Variants in PROM2 observed in about 807,000 individuals in gnomAD.
PROM2 encodes prominin 2.
PROM2 carries 90 observed loss-of-function variants against 110.2 expected under a neutral mutation model. That is an observed-to-expected ratio of 0.82 (90% CI 0.69 to 0.97). PROM2 has a LOEUF of 0.97. Ranked by LOEUF, PROM2 falls within the 50% of genes least tolerant of loss-of-function variation. The pLI is 0.00. For synonymous variants in PROM2, 470 were observed against 467.8 expected (o/e 1.00, Z -0.06); for missense variants, 1,009 against 1,074.8 (o/e 0.94, Z 0.86).
At chr2:95,287,246 C>T (rs1677417184) in intron 19 of PROM2, 33 bp downstream of exon 19, 1 of 1,604,540 alleles carries the variant, frequency 6.2e-7, no homozygotes, top group Non-Finnish European at 8.5e-7. Context: ...AAGGGGCTTC[C>T]ACCCCAGGCT....
In PROM2 at chr2:95,285,079, G is replaced by T. The variant is rs1487880929; in HGVS notation, c.1839G>T (p.Gly613=). Residue 613 remains glycine, a synonymous_variant, in exon 15 of 24, where the codon GGG becomes GGT. Transcript: ENST00000317620. ...RRDLEALQSS[G]LQRIHYPDFL... ...ACCTGGAGGCCCTGCAGAGCAGTGG[G>T]CTTCAGCGCATCCACTACCCCGACT... 1 of 1,589,098 alleles carries T rather than the reference G, an allele frequency of 6.3e-7. No individual in the cohort carries two copies. Among genetic ancestry groups the T allele is most frequent in the Admixed American group, 1.8e-5 (1 of 56,950 alleles).
chr2:95,282,684 C>G (rs1484309992), intron 14 of PROM2, among the ~76,000 whole-genome samples: 1 of 152,126 alleles, frequency 6.6e-6, no homozygotes, highest in East Asian at 1.9e-4. Flanking sequence ...GCCTGACAAG[C>G]CTCTTCCTGT....
At position 95,275,896 on chromosome 2, in the gene PROM2, T is replaced by C; in HGVS notation, c.295-34T>C. Reference sequence around the variant, plus strand: ...AGAAGCCAGGGCTGGGCAGTGGGGGTCGGGTCACCCCTCATGCCCTGCTGC... The same window carrying C: ...AGAAGCCAGGGCTGGGCAGTGGGGGCCGGGTCACCCCTCATGCCCTGCTGC... On this transcript the variant is annotated intron_variant, in intron 2 of 23. Transcript: ENST00000317620. This position sits in a 1 kb window ranked among gnomAD's most constrained non-coding sequence, Gnocchi z 4.4. The C allele has an allele frequency of 1.3e-6, 2 of 1,584,224 alleles. No individual in the cohort carries two copies. The highest frequency in any genetic ancestry group is 8.6e-7 in the Non-Finnish European group (1 of 1,167,576).
At chr2:95,282,079 A>T in intron 13 of PROM2, 63 bp downstream of exon 13, 1 of 1,593,052 alleles carries the variant, frequency 6.3e-7, no homozygotes, top group Non-Finnish European at 8.6e-7. Context: ...GGTGTCCCTC[A>T]GGGGACATCA....
rs745576900 is a variant in PROM2 at position 95,281,968 on chromosome 2, C to T, written c.1595C>T (p.Ser532Leu). The stretch of plus-strand genomic sequence containing the variant: ...AACCTGCCCCCGTCCATGAACCTGT[C>T]GCAACTTCTTGGCCTGAGGAAGAAC... ...PGNLPPSMNL[S>L]QLLGLRKNIS... Residue 532 changes from serine (S) to leucine (L), a missense_variant, in exon 13 of 24, where the codon TCG becomes TTG. Physicochemically the swap from Ser to Leu is moderately radical, Grantham distance 145 (BLOSUM62 -2). Transcript: ENST00000317620. 13 of 1,613,984 alleles carry T rather than the reference C, an allele frequency of 8.1e-6. No homozygotes were observed. The highest frequency in any genetic ancestry group is 2.7e-5 in the African/African-American group (2 of 74,884).
rs1421712742 is a variant in PROM2, at chr2:95,279,161, G to T, written c.1274+17G>T. The T allele has an allele frequency of 7.3e-7, 1 of 1,364,520 alleles. No individual in the cohort carries two copies. The highest frequency in any genetic ancestry group is 9.7e-7 in the Non-Finnish European group (1 of 1,031,108). 84.5% of individuals were successfully genotyped at this position (1,364,520 alleles called of 1,614,324 possible). A position where few individuals can be genotyped will look rare whatever the true frequency, so the allele number is the denominator to read the frequency against. Reference sequence around the variant, plus strand: ...GACCTACAGGTGCTGGGCACCGCAGGGTGGGATGGGGTGGGGTGGGGTGGG... The same window carrying T: ...GACCTACAGGTGCTGGGCACCGCAGTGTGGGATGGGGTGGGGTGGGGTGGG... On this transcript the variant is annotated intron_variant, in intron 10 of 23. Coordinates refer to ENST00000317620, the MANE Select transcript of PROM2 (RefSeq NM_001165978.3).
intron 11 of PROM2, among the ~76,000 whole-genome samples, chr2:95,280,694 G>A (rs936634657): frequency 4.6e-5 from 7 of 152,136 alleles, no homozygotes; most frequent in African/African-American, 1.7e-4. Flanking sequence ...ACCCAGGATG[G>A]AGTGCAGTGA....
rs147971761 is a variant in PROM2 at position 95,276,060 on chromosome 2, C to A, written c.425C>A (p.Thr142Lys). Reference protein sequence around the residue: ...CHRRCGGRVKTEHKALACERA... With the variant: ...CHRRCGGRVKKEHKALACERA... ...CGGCGCTGCGGGGGACGAGTGAAGACAGAGCACAAGGCGCTGGCCTGTGAG... is the reference window on the plus strand; with the variant it reads ...CGGCGCTGCGGGGGACGAGTGAAGAAAGAGCACAAGGCGCTGGCCTGTGAG... Residue 142 changes from threonine to lysine, a missense_variant, in exon 3 of 24, where the codon ACA (threonine) becomes AAA (lysine). By Grantham distance (78) the Thr-to-Lys change is moderately conservative (BLOSUM62 -1). Transcript: ENST00000317620. This position sits in a 1 kb window ranked among gnomAD's most constrained non-coding sequence, Gnocchi z 4.6. 1 of 1,611,432 alleles carries A rather than the reference C, an allele frequency of 6.2e-7. No homozygotes were observed. Among genetic ancestry groups the A allele is most frequent in the Non-Finnish European group, 8.5e-7 (1 of 1,179,914 alleles).
At chr2:95,288,185 TC>T in intron 20 of PROM2, 25 bp from the exon 21 acceptor site, 1 of 1,609,822 alleles carries the variant, frequency 6.2e-7, no homozygotes, top group South Asian at 1.1e-5. Context: ...TGTCTCTGCA[TC>T]ACCTGCCTCA....
chr2:95,285,103 C>G lies in PROM2; in HGVS notation c.1863C>G (p.Asp621Glu). Residue 621 changes from aspartate to glutamate, a missense_variant, in exon 15 of 24, where the codon GAC (aspartate) becomes GAG (glutamate). Coordinates refer to ENST00000317620, the MANE Select transcript of PROM2 (RefSeq NM_001165978.3). ...SSGLQRIHYP[D>E]FLVQIQRPVV... ...GGCTTCAGCGCATCCACTACCCCGA[C>G]TTCCTCGTTCAGGTCAGCGGTGGGC... 1.9e-6 allele frequency: 3 copies of G among 1,577,892 alleles called. No individual in the cohort carries two copies. Among genetic ancestry groups the G allele is most frequent in the Non-Finnish European group, 2.6e-6 (3 of 1,160,786 alleles).
At chr2:95,287,309 A>C (rs1677419898) in intron 19 of PROM2, 87 bp from the exon 20 acceptor site, 39 of 1,551,194 alleles carry the variant, frequency 2.5e-5, no homozygotes, top group Non-Finnish European at 3.4e-5. Flanking sequence ...GCCTGTCCTC[A>C]AGTTGCCAGG....
At chr2:95,282,330 A>C (rs1208231083) in intron 14 of PROM2, 104 bp downstream of exon 14, 30 of 981,940 alleles carry the variant, frequency 3.1e-5, no homozygotes, top group Non-Finnish European at 4.1e-5. Context: ...AGGAGACCTG[A>C]GAAGTCTGTG....
At chr2:95,283,639 G>T (rs1375110956) in intron 14 of PROM2, among the ~76,000 whole-genome samples, 1 of 152,216 alleles carries the variant, frequency 6.6e-6, no homozygotes, top group Admixed American at 6.5e-5. Flanking sequence ...AACCACCTGT[G>T]TAACCTCGGC....
chr2:95,289,598 A>C lies in PROM2; in HGVS notation c.*385A>C. ...CTTCCCGTGTGTCTTCCCCCTGCCA[A>C]GCCTCCCCCTGCCAAGCCTCCCCCT... is the stretch of plus-strand genomic sequence containing the variant. On this transcript the variant is annotated 3_prime_UTR_variant, in exon 24 of 24. Transcript: ENST00000317620. 8.2e-6 allele frequency: 1 copy of C among 121,590 alleles called. No homozygotes were observed. Among genetic ancestry groups the C allele is most frequent in the Middle Eastern group, 4.0e-3 (1 of 250 alleles). The allele number at this position is 121,590 out of a possible 1,614,324, so 7.5% of individuals were successfully genotyped here. A position where few individuals can be genotyped will look rare whatever the true frequency, so the allele number is the denominator to read the frequency against.
chr2:95,274,796 C>G lies in PROM2; in HGVS notation c.211C>G (p.Leu71Val). 6.2e-7 allele frequency: 1 copy of G among 1,604,010 alleles called. No homozygotes were observed. The highest frequency in any genetic ancestry group is 8.5e-7 in the Non-Finnish European group (1 of 1,176,168). ...DSLYGTVRRF[L>V]SVVQLNPFPS... ...CCTCTATGGCACCGTGCGCCGCTTC[C>G]TCTCGGTGGTGCAGCTCAATCCTTT... is the stretch of plus-strand genomic sequence containing the variant. The change falls in exon 1 of 24, where the codon CTC (leucine) becomes GTC (valine). Residue 71 changes from leucine to valine, a missense_variant. Transcript: ENST00000317620.
chr2:95,284,949 C>A lies in PROM2; in HGVS notation c.1729-20C>A. On this transcript the variant is annotated intron_variant, in intron 14 of 23. Transcript: ENST00000317620. ...GCTCAGCAACTGGGCATGACTCCCA[C>A]CCTGCGCCTGCTCTCCCAGTATACC... 1 of 1,605,528 alleles carries A rather than the reference C, an allele frequency of 6.2e-7. No individual in the cohort carries two copies.
chr2:95,278,843 A>G (rs1400071534), intron 9 of PROM2, 59 bp downstream of exon 9: 2 of 1,610,614 alleles, frequency 1.2e-6, no homozygotes, highest in East Asian at 2.2e-5. Flanking sequence ...CACCCCTACC[A>G]GGGAGGCTTG....
Position 95,277,644 on chromosome 2 carries a change from A to G in PROM2, c.975+78A>G, listed in dbSNP as rs914634315. ...TGCTCCTGGGATCTGGCAAATTCCCAGTCCCCTTGCCCCAATGTTCCTCCC... is the reference window on the plus strand; with the variant it reads ...TGCTCCTGGGATCTGGCAAATTCCCGGTCCCCTTGCCCCAATGTTCCTCCC... On this transcript the variant is annotated intron_variant, in intron 7 of 23. Coordinates refer to ENST00000317620, the MANE Select transcript of PROM2 (RefSeq NM_001165978.3). The G allele has an allele frequency of 1.6e-5, 22 of 1,354,378 alleles. No individual in the cohort carries two copies. The African/African-American group carries it at 3.1e-4, about 19-fold the overall frequency. The allele number at this position is 1,354,378 out of a possible 1,614,324, so 83.9% of individuals were successfully genotyped here.
chr2:95,278,621 A>G (rs1398335740), intron 8 of PROM2, 100 bp from the exon 9 acceptor site: 1 of 1,339,414 alleles, frequency 7.5e-7, no homozygotes, highest in Admixed American at 1.7e-5. Flanking sequence ...AACTGGGAGC[A>G]CTGAGGGGGG....
Sources: gnomAD v4.1 joint callset for allele counts (sites outside exome capture counted in the v4.1 genomes callset) on GRCh38, gnomAD v4.1.1 for gene constraint, Gnocchi (gnomAD v3.1) non-coding constraint, MANE v1.5 for transcripts, NCBI Gene and HGNC (gene_info 2026-07-23, HGNC 2026-07-21) for gene names.